The following CSMD1 variants were observed in gnomAD, a reference collection of about 807,000 sequenced individuals.
CSMD1 encodes the protein CUB and sushi domain-containing protein 1.
CSMD1 carries 213 observed loss-of-function variants against 417.5 expected under a neutral mutation model. The observed-to-expected ratio is 0.51, with a 90% CI of 0.46 to 0.57. The LOEUF (loss-of-function observed/expected upper bound fraction) is 0.57. Ranked by LOEUF, CSMD1 falls within the 20% of genes least tolerant of loss-of-function variation. The pLI is 0.00. For missense variants in CSMD1, 6,923 were observed against 4,529.7 expected, an observed-to-expected ratio of 1.53 and a Z score of -15.17; for synonymous variants, 2,862 against 1,736.8, an observed-to-expected ratio of 1.65 and a Z score of -16.11.
At chr8:4,732,073 A>G (rs1303209494) in intron 1 of CSMD1, among the ~76,000 whole-genome samples, 1 of 152,072 alleles carries the variant, frequency 6.6e-6, no homozygotes, top group East Asian at 1.9e-4. Flanking sequence ...TCTCTTGCTA[A>G]TCTTTCCAAC....
chr8:4,033,601 G>A (rs191266757), intron 3 of CSMD1, among the ~76,000 whole-genome samples: 13 of 152,124 alleles, frequency 8.5e-5, no homozygotes, highest in African/African-American at 3.1e-4. Context: ...ACTAAGTTGT[G>A]GCTCAATCCT....
chr8:3,640,279 G>C (rs1361863282), intron 7 of CSMD1, among the ~76,000 whole-genome samples: 1 of 152,138 alleles, frequency 6.6e-6, no homozygotes, highest in Non-Finnish European at 1.5e-5. Flanking sequence ...TAATGAGCCT[G>C]TTTTGGAACA....
chr8:4,649,397 C>T (rs2724998), intron 1 of CSMD1, among the ~76,000 whole-genome samples: 98,337 of 152,006 alleles, frequency 0.65, 32,041 homozygotes, highest in East Asian at 0.73. Context: ...TCTTGAAAGA[C>T]AGGCATTATC....
intron 6 of CSMD1, among the ~76,000 whole-genome samples, chr8:3,753,156 G>A (rs954693141): frequency 6.6e-6 from 1 of 152,134 alleles, no homozygotes; most frequent in Non-Finnish European, 1.5e-5. Context: ...TGGGGTCAAC[G>A]TTCTCATCGT....
intron 5 of CSMD1, among the ~76,000 whole-genome samples, chr8:3,992,428 A>G (rs1814826681): frequency 6.6e-6 from 1 of 152,282 alleles, no homozygotes; most frequent in African/African-American, 2.4e-5. Flanking sequence ...AACAAAAATA[A>G]GTGTTGAGGT....
intron 12 of CSMD1, among the ~76,000 whole-genome samples, chr8:3,422,566 T>G (rs188665398): frequency 8.6e-4 from 131 of 152,112 alleles, no homozygotes; most frequent in Admixed American, 4.8e-3. Flanking sequence ...GACAAAACAG[T>G]AAATTTTGAA....
chr8:4,740,279 T>C (rs1366827892), intron 1 of CSMD1, among the ~76,000 whole-genome samples: 1 of 152,192 alleles, frequency 6.6e-6, no homozygotes, highest in East Asian at 1.9e-4. Flanking sequence ...AGTCTGTATT[T>C]TTGAAGGTCT....
chr8:4,403,116 C>T (rs962707976), intron 3 of CSMD1, among the ~76,000 whole-genome samples: 9 of 152,098 alleles, frequency 5.9e-5, no homozygotes, highest in Non-Finnish European at 1.3e-4. Context: ...CAGGCGTGAG[C>T]CACTGCCCCC....
chr8:4,124,321 C>G (rs982743592), intron 3 of CSMD1, among the ~76,000 whole-genome samples: 3 of 152,122 alleles, frequency 2.0e-5, no homozygotes, highest in African/African-American at 7.2e-5. Context: ...GATCCTCTAT[C>G]AAGCTGATTC....
intron 1 of CSMD1, among the ~76,000 whole-genome samples, chr8:4,780,969 C>G (rs1563367102): frequency 6.6e-6 from 1 of 152,104 alleles, no homozygotes; most frequent in Non-Finnish European, 1.5e-5. Flanking sequence ...CTGTTTTTGT[C>G]ACTATCTCTC....
intron 1 of CSMD1, among the ~76,000 whole-genome samples, chr8:4,707,842 G>T (rs1584975035): frequency 1.4e-5 from 2 of 142,964 alleles, no homozygotes; most frequent in East Asian, 2.1e-4. Context: ...AACCAAGATC[G>T]CACCATTGCA....
At chr8:3,305,664 T>A (rs1804778354) in intron 25 of CSMD1, among the ~76,000 whole-genome samples, 1 of 152,172 alleles carries the variant, frequency 6.6e-6, no homozygotes, top group South Asian at 2.1e-4. Flanking sequence ...GAAACTAAAC[T>A]TCTTAACTTA....
chr8:4,777,189 G>A (rs763037033), intron 1 of CSMD1, among the ~76,000 whole-genome samples: 3 of 152,148 alleles, frequency 2.0e-5, no homozygotes, highest in Non-Finnish European at 2.9e-5. Flanking sequence ...TTTACCTTGT[G>A]GTTGTTATTT....
At chr8:4,062,147 G>T (rs796518232) in intron 3 of CSMD1, among the ~76,000 whole-genome samples, 20 of 152,148 alleles carry the variant, frequency 1.3e-4, no homozygotes, top group African/African-American at 4.3e-4. Flanking sequence ...CTCATGATAT[G>T]CACTGATACC....
chr8:4,375,712 G>A (rs1802690942), intron 3 of CSMD1, among the ~76,000 whole-genome samples: 1 of 152,144 alleles, frequency 6.6e-6, no homozygotes, highest in South Asian at 2.1e-4. Context: ...CTGCATGACT[G>A]TTTTCTTCCT....
At chr8:4,901,165 T>C (rs184904001) in intron 1 of CSMD1, among the ~76,000 whole-genome samples, 2 of 152,352 alleles carry the variant, frequency 1.3e-5, no homozygotes, top group Admixed American at 1.3e-4. Flanking sequence ...TAAGAAAGAT[T>C]TTCTTAAACC....
chr8:3,537,997 A>G (rs558686849), intron 10 of CSMD1, among the ~76,000 whole-genome samples: 7 of 152,338 alleles, frequency 4.6e-5, no homozygotes, highest in African/African-American at 7.2e-5. Context: ...TATCCTCATT[A>G]GAGAAAGGGC....
chr8:4,086,309 A>C (rs1350321304), intron 3 of CSMD1, among the ~76,000 whole-genome samples: 1 of 152,228 alleles, frequency 6.6e-6, no homozygotes, highest in Non-Finnish European at 1.5e-5. Context: ...GTCATCAGAC[A>C]GAAGTTCCAA....
chr8:4,507,131 T>C (rs917445175), intron 2 of CSMD1, among the ~76,000 whole-genome samples: 1 of 152,184 alleles, frequency 6.6e-6, no homozygotes, highest in African/African-American at 2.4e-5. Flanking sequence ...TTCATAAGAT[T>C]AAACTTTTAC....
Sources: allele counts gnomAD v4.1 joint callset (sites outside exome capture counted in the v4.1 genomes callset), GRCh38; gene constraint gnomAD v4.1.1; transcripts MANE v1.5; gene names NCBI Gene and HGNC (gene_info 2026-07-23, HGNC 2026-07-21).